FAM13A: variants seen among roughly 807,000 people sequenced by gnomAD.
The protein encoded by FAM13A is protein FAM13A.
Under a neutral mutation model 129.6 loss-of-function variants are expected in FAM13A, and 76 were observed. The observed-to-expected ratio is 0.59, with a 90% CI of 0.49 to 0.71. FAM13A has a LOEUF of 0.71. Ranked by LOEUF, FAM13A falls within the 30% of genes least tolerant of loss-of-function variation. FAM13A has a pLI of 0.00. For synonymous variants in FAM13A, 443 were observed against 449.9 expected, an observed-to-expected ratio of 0.98 and a Z score of 0.20; for missense variants, 1,108 against 1,249.3, an observed-to-expected ratio of 0.89 and a Z score of 1.70.
intron 6 of FAM13A, among the ~76,000 whole-genome samples, chr4:88,868,296 A>C (rs1254417316): frequency 6.6e-6 from 1 of 152,216 alleles, no homozygotes; most frequent in Non-Finnish European, 1.5e-5. Context: ...CCAGTCATCG[A>C]GTAAGTGCCT....
chr4:88,759,070 T>C (rs1744287061), intron 13 of FAM13A, 169 bp from the exon 14 acceptor site: 1 of 612,696 alleles, frequency 1.6e-6, no homozygotes, highest in African/African-American at 1.8e-5. Flanking sequence ...AGCTGGCCAC[T>C]TGCATGCAGA....
intron 4 of FAM13A, among the ~76,000 whole-genome samples, chr4:88,947,818 G>A (rs142013121): frequency 1.3e-4 from 20 of 150,444 alleles, no homozygotes; most frequent in Admixed American, 9.5e-4. Flanking sequence ...ACAATTTTGT[G>A]TTTTGATGAG....
chr4:89,002,183 A>C (rs1350886479), intron 3 of FAM13A, among the ~76,000 whole-genome samples: 6 of 118,104 alleles, frequency 5.1e-5, no homozygotes, highest in Middle Eastern at 4.3e-3. Flanking sequence ...CGGCAAAAAA[A>C]AAAAAAAAAA....
In FAM13A at chr4:88,747,757, T is replaced by C; in HGVS notation, c.2256A>G (p.Lys752=). The stretch of plus-strand genomic sequence containing the variant: ...CCAGCTCTTGCTTCTTCTCATCTTC[T>C]TTCTCAAGTTGGGAACCAAAACTCT... ...LPKSFGSQLE[K]EDEKKQELVD... is the part of the protein sequence containing the mutation. Residue 752 remains lysine (K), a synonymous_variant, in exon 18 of 24, where the codon AAA becomes AAG. Coordinates refer to ENST00000264344, the MANE Select transcript of FAM13A (RefSeq NM_014883.4). 3 of 1,614,210 alleles carry C rather than the reference T, an allele frequency of 1.9e-6. No individual in the cohort carries two copies. Among genetic ancestry groups the C allele is most frequent in the Non-Finnish European group, 1.7e-6 (2 of 1,180,008 alleles).
At chr4:89,052,734 C>T (rs1300643526) in intron 1 of FAM13A, among the ~76,000 whole-genome samples, 6 of 151,974 alleles carry the variant, frequency 3.9e-5, no homozygotes, top group Admixed American at 1.3e-4. Context: ...ACTCTCTCTC[C>T]CCACTGGCTA....
At chr4:88,897,846 C>A (rs189357863) in intron 6 of FAM13A, among the ~76,000 whole-genome samples, 1 of 152,222 alleles carries the variant, frequency 6.6e-6, no homozygotes, top group Admixed American at 6.5e-5. Flanking sequence ...TCTTATAGTT[C>A]ACAAGCTCTG....
At chr4:88,733,697 C>G (rs1046907704) in intron 21 of FAM13A, among the ~76,000 whole-genome samples, 1 of 152,188 alleles carries the variant, frequency 6.6e-6, no homozygotes, top group African/African-American at 2.4e-5. Flanking sequence ...GTCCCCAGAG[C>G]TTGGCCAATG....
intron 3 of FAM13A, among the ~76,000 whole-genome samples, chr4:88,996,688 T>C (rs1763588684): frequency 2.0e-5 from 3 of 152,022 alleles, no homozygotes; most frequent in South Asian, 4.1e-4. Flanking sequence ...AGGCTAGTGA[T>C]AGAGATTATA....
intron 8 of FAM13A, among the ~76,000 whole-genome samples, chr4:88,801,629 C>T (rs1267162051): frequency 6.6e-6 from 1 of 152,098 alleles, no homozygotes; most frequent in Non-Finnish European, 1.5e-5. Context: ...TATTTAGAGC[C>T]CAATGAACAA....
At chr4:88,873,831 C>T (rs527812706) in intron 6 of FAM13A, among the ~76,000 whole-genome samples, 16 of 152,182 alleles carry the variant, frequency 1.1e-4, no homozygotes, top group Admixed American at 1.0e-3. Context: ...AGAGACACAA[C>T]AACAAAAAAG....
At chr4:88,745,098 A>C (rs1318497931) in intron 19 of FAM13A, among the ~76,000 whole-genome samples, 2 of 152,232 alleles carry the variant, frequency 1.3e-5, no homozygotes, top group Non-Finnish European at 2.9e-5. Flanking sequence ...GTGCAGACCC[A>C]GTAAAAGCCA....
chr4:88,872,444 C>G (rs550966461), intron 6 of FAM13A, among the ~76,000 whole-genome samples: 2 of 152,156 alleles, frequency 1.3e-5, no homozygotes, highest in African/African-American at 4.8e-5. Flanking sequence ...GGAGGAAGAT[C>G]TACCAAGCAA....
chr4:88,990,506 A>C (rs1166901106), intron 4 of FAM13A: 1 of 152,454 alleles, frequency 6.6e-6, no homozygotes, highest in Admixed American at 6.5e-5. Flanking sequence ...GCAACAAAGA[A>C]TCTACTAAAA....
intron 6 of FAM13A, among the ~76,000 whole-genome samples, chr4:88,890,471 A>G (rs373995788): frequency 3.3e-5 from 5 of 152,232 alleles, no homozygotes; most frequent in African/African-American, 4.8e-5. Context: ...GCATCTGGAA[A>G]GACTCAACAC....
At chr4:88,829,535 T>C (rs868060320) in intron 7 of FAM13A, among the ~76,000 whole-genome samples, 27 of 152,332 alleles carry the variant, frequency 1.8e-4, no homozygotes, top group African/African-American at 6.3e-4. Context: ...AAGGACTAAA[T>C]CTAACATGAG....
chr4:88,947,173 C>G (rs951261708), intron 4 of FAM13A, among the ~76,000 whole-genome samples: 64 of 152,142 alleles, frequency 4.2e-4, no homozygotes, highest in Non-Finnish European at 7.8e-4. Context: ...CTTTGAGAGG[C>G]TGAGGTGGGC....
At chr4:88,909,711 T>G (rs965892764) in intron 5 of FAM13A, among the ~76,000 whole-genome samples, 1 of 152,138 alleles carries the variant, frequency 6.6e-6, no homozygotes, top group African/African-American at 2.4e-5. Flanking sequence ...GGTCTCTATC[T>G]CTTGACCTTG....
chr4:88,836,781 GA>G (rs1734881437), intron 7 of FAM13A, among the ~76,000 whole-genome samples: 1 of 151,928 alleles, frequency 6.6e-6, no homozygotes, highest in Non-Finnish European at 1.5e-5. Flanking sequence ...CCAACATGGT[GA>G]AACCCCGTCT....
At chr4:88,780,774 T>C (rs1722684550) in intron 11 of FAM13A, among the ~76,000 whole-genome samples, 1 of 152,116 alleles carries the variant, frequency 6.6e-6, no homozygotes, top group Admixed American at 6.6e-5. Flanking sequence ...TCTTTCACTG[T>C]GTATTTCACC....
Sources: allele counts gnomAD v4.1 joint callset (sites outside exome capture counted in the v4.1 genomes callset), GRCh38; gene constraint gnomAD v4.1.1; transcripts MANE v1.5; gene names NCBI Gene and HGNC (gene_info 2026-07-23, HGNC 2026-07-21).